The following FANCC variants were observed in gnomAD, a reference collection of about 807,000 sequenced individuals.
The protein encoded by FANCC is Fanconi anemia group C protein.
FANCC carries 55 observed loss-of-function variants against 71.3 expected under a neutral mutation model. That is an observed-to-expected ratio of 0.77 (90% CI 0.62 to 0.97). The LOEUF (loss-of-function observed/expected upper bound fraction) is 0.97, where lower values mean the gene tolerates loss of function less well. Ranked by LOEUF, FANCC falls within the 50% of genes least tolerant of loss-of-function variation. FANCC has a pLI of 0.00. For missense variants in FANCC, 678 were observed against 670.9 expected (o/e 1.01, Z -0.12); for synonymous variants, 275 against 244.9 (o/e 1.12, Z -1.15).
chr9:95,197,585 G>A (rs1006721383), intron 4 of FANCC, among the ~76,000 whole-genome samples: 4 of 152,178 alleles, frequency 2.6e-5, no homozygotes, highest in African/African-American at 9.7e-5. Context: ...GGTAGTTATA[G>A]TTGAGACGTA....
Position 95,240,706 on chromosome 9 carries a change from A to G in FANCC, c.288T>C (p.Cys96=), listed in dbSNP as rs864622349. Residue 96 remains cysteine (C), a synonymous_variant, in exon 4 of 15, where the codon TGT becomes TGC. Coordinates refer to ENST00000289081, the MANE Select transcript of FANCC (RefSeq NM_000136.3). ...SQKILIWCLC[C]LINKEPQNSG... ...AATTCTGTGGTTCTTTGTTAATTAG[A>G]CAACATAAGCACCATATTAGAATTT... 1.2e-6 allele frequency: 2 copies of G among 1,613,350 alleles called. No homozygotes were observed. The highest frequency in any genetic ancestry group is 1.7e-6 in the Non-Finnish European group (2 of 1,179,556).
chr9:95,190,892 C>A (rs1827049391), intron 4 of FANCC, among the ~76,000 whole-genome samples: 1 of 152,188 alleles, frequency 6.6e-6, no homozygotes, highest in African/African-American at 2.4e-5. Flanking sequence ...CTGAGGTCTT[C>A]TGTCATGAAG....
chr9:95,160,071 C>T (rs1472110411), intron 6 of FANCC, among the ~76,000 whole-genome samples: 1 of 152,120 alleles, frequency 6.6e-6, no homozygotes, highest in Admixed American at 6.5e-5. Context: ...GCTGCCATTG[C>T]TTTTGGTGTT....
chr9:95,135,263 C>T, intron 8 of FANCC, 83 bp downstream of exon 8: 12 of 1,331,786 alleles, frequency 9.0e-6, no homozygotes, highest in South Asian at 1.2e-5. Context: ...GTTTACATCC[C>T]CCCCTTTCAT....
intron 4 of FANCC, among the ~76,000 whole-genome samples, chr9:95,175,918 C>T (rs1305603172): frequency 3.9e-5 from 6 of 152,194 alleles, no homozygotes; most frequent in Admixed American, 3.9e-4. Context: ...AGTAGGTGGG[C>T]TCCAAGTCGG....
At chr9:95,175,946 A>G (rs1825988334) in intron 4 of FANCC, among the ~76,000 whole-genome samples, 1 of 152,260 alleles carries the variant, frequency 6.6e-6, no homozygotes, top group South Asian at 2.1e-4. Flanking sequence ...CTGGGTTTGC[A>G]CAGAGCAGGT....
rs864622225 is a variant in FANCC, at chr9:95,125,158, G to C, written c.924C>G (p.Ala308=). 1.9e-6 allele frequency: 3 copies of C among 1,613,930 alleles called. No individual in the cohort carries two copies. In the African/African-American group the frequency reaches 4.0e-5, roughly 22 times the overall value. The change falls in exon 10 of 15, where the codon GCC becomes GCG. Residue 308 remains alanine (A), a synonymous_variant. Coordinates refer to ENST00000289081, the MANE Select transcript of FANCC (RefSeq NM_000136.3). ...CCTGAATAGTGGCTATGATTTCCAG[G>C]GCCCCATCGGTTTCCAGGAGTGCAC... The part of the protein sequence containing the change: ...FRCALLETDG[A]LEIIATIQVF...
At chr9:95,240,560 A>G in intron 4 of FANCC, 89 bp downstream of exon 4, 5 of 825,282 alleles carry the variant, frequency 6.1e-6, no homozygotes, top group South Asian at 1.4e-5. Context: ...ATAGAACTGG[A>G]TTCCACCCCA....
chr9:95,306,034 A>C (rs1184119631), intron 1 of FANCC, among the ~76,000 whole-genome samples: 1 of 152,188 alleles, frequency 6.6e-6, no homozygotes, highest in Non-Finnish European at 1.5e-5. Context: ...ACTCCTTTAC[A>C]CATTTTTTAG....
chr9:95,277,169 C>A (rs760188615), intron 1 of FANCC, among the ~76,000 whole-genome samples: 1 of 152,126 alleles, frequency 6.6e-6, no homozygotes, highest in Non-Finnish European at 1.5e-5. Flanking sequence ...GATGTTAGTT[C>A]TGTTTAGAAA....
At chr9:95,129,075 G>C (rs1207312990) in intron 8 of FANCC, among the ~76,000 whole-genome samples, 1 of 151,890 alleles carries the variant, frequency 6.6e-6, no homozygotes, top group Non-Finnish European at 1.5e-5. Context: ...GCTAATTTTT[G>C]TATTTTTAGT....
intron 8 of FANCC, among the ~76,000 whole-genome samples, chr9:95,134,835 C>T (rs1349182712): frequency 1.3e-5 from 2 of 152,162 alleles, no homozygotes; most frequent in African/African-American, 4.8e-5. Flanking sequence ...GGGAGCCAGG[C>T]GCCACCGCGC....
At chr9:95,191,658 C>CA (rs1827125001) in intron 4 of FANCC, among the ~76,000 whole-genome samples, 1 of 152,098 alleles carries the variant, frequency 6.6e-6, no homozygotes, top group South Asian at 2.1e-4. Flanking sequence ...CAGCCATCCC[C>CA]AAGCCCCTTT....
intron 4 of FANCC, among the ~76,000 whole-genome samples, chr9:95,216,307 T>A (rs545046470): frequency 6.6e-6 from 1 of 152,236 alleles, no homozygotes; most frequent in Non-Finnish European, 1.5e-5. Context: ...ATTCTAAATG[T>A]GTTTATACAC....
intron 6 of FANCC, among the ~76,000 whole-genome samples, chr9:95,163,814 A>G: frequency 6.6e-6 from 1 of 152,270 alleles, no homozygotes; most frequent in East Asian, 1.9e-4. Flanking sequence ...GCGCCATCGC[A>G]TGCCAGCCTG....
chr9:95,138,162 G>A (rs948822906), intron 7 of FANCC, among the ~76,000 whole-genome samples: 2 of 152,236 alleles, frequency 1.3e-5, no homozygotes, highest in Non-Finnish European at 2.9e-5. Flanking sequence ...AGAGGCAGCC[G>A]AGGTCAGAGA....
rs542446652 is a variant in FANCC at position 95,207,289 on chromosome 9, TTTTTTAAAAGATCCTTTC to T, written c.345+33342_345+33359del. Reference sequence around the variant, plus strand: ...AAAGAAAACAAAAGAGCTATAAGAATTTTTTAAAAGATCCTTTCTAGAAGCATAAAGTCAAAACAACCA... The same window carrying T: ...AAAGAAAACAAAAGAGCTATAAGAATTAGAAGCATAAAGTCAAAACAACCA... On this transcript the variant is annotated intron_variant, in intron 4 of 14. Coordinates refer to ENST00000289081, the MANE Select transcript of FANCC (RefSeq NM_000136.3). Among the ~76,000 whole-genome samples, 239 of 152,226 alleles carry T rather than the reference TTTTTTAAAAGATCCTTTC, an allele frequency of 1.6e-3. 1 individual carries two copies. Among genetic ancestry groups the T allele is most frequent in the Non-Finnish European group, 1.5e-3 (102 of 68,008 alleles).
intron 1 of FANCC, among the ~76,000 whole-genome samples, chr9:95,253,376 G>T (rs1831470004): frequency 6.6e-6 from 1 of 152,122 alleles, no homozygotes; most frequent in East Asian, 1.9e-4. Flanking sequence ...TCATTCAAAG[G>T]CTCTCTTAAT....
At chr9:95,267,208 CT>C (rs934929508) in intron 1 of FANCC, among the ~76,000 whole-genome samples, 52 of 152,080 alleles carry the variant, frequency 3.4e-4, no homozygotes, top group African/African-American at 1.2e-3. Context: ...AGCACCCTTG[CT>C]GGAAGGTGGG....
Sources: allele counts gnomAD v4.1 joint callset (sites outside exome capture counted in the v4.1 genomes callset), GRCh38; gene constraint gnomAD v4.1.1; transcripts MANE v1.5; gene names NCBI Gene and HGNC (gene_info 2026-07-23, HGNC 2026-07-21).